GUCY1A2: variants seen among roughly 807,000 people sequenced by gnomAD.
GUCY1A2 encodes guanylate cyclase 1 soluble subunit alpha 2.
Under a neutral mutation model 63.5 loss-of-function variants are expected in GUCY1A2, and 27 were observed. The observed-to-expected ratio is 0.43, with a 90% CI of 0.31 to 0.59. The LOEUF (loss-of-function observed/expected upper bound fraction) is 0.59, where lower values mean the gene tolerates loss of function less well. Among genes scored for constraint, GUCY1A2 ranks in the 20% least tolerant of loss-of-function variants. The pLI is 0.11. For missense variants in GUCY1A2, 768 were observed against 913.3 expected (o/e 0.84, Z 2.05); for synonymous variants, 364 against 343.5 (o/e 1.06, Z -0.66).
intron 4 of GUCY1A2, among the ~76,000 whole-genome samples, chr11:106,840,108 T>C (rs1300872506): frequency 6.6e-6 from 1 of 152,086 alleles, no homozygotes; most frequent in African/African-American, 2.4e-5. Context: ...TAAGAAGTCA[T>C]TCTTTCAGTT....
intron 4 of GUCY1A2, among the ~76,000 whole-genome samples, chr11:106,841,590 T>A (rs1859199009): frequency 6.6e-6 from 1 of 151,966 alleles, no homozygotes; most frequent in Non-Finnish European, 1.5e-5. Flanking sequence ...CATAGTTCTC[T>A]GAGGGAGGGA....
intron 5 of GUCY1A2, among the ~76,000 whole-genome samples, chr11:106,776,841 A>G (rs1864365689): frequency 6.6e-6 from 1 of 152,158 alleles, no homozygotes; most frequent in Non-Finnish European, 1.5e-5. Context: ...ATATAAAATA[A>G]TTATCCCCCA....
chr11:106,951,361 G>C (rs1033828546), intron 3 of GUCY1A2, among the ~76,000 whole-genome samples: 1 of 152,202 alleles, frequency 6.6e-6, no homozygotes, highest in African/African-American at 2.4e-5. Flanking sequence ...CCCACCAACA[G>C]TACAAAAGCA....
rs1555060977 is a variant in GUCY1A2, at chr11:107,007,871, T to TGGGC, written c.303+9881_303+9882insGCCC. ...TAATGAACAACACAGCATGATAGAT[T>TGGGC]TACTGTCCCTCTAGCTTACAGATAC... On this transcript the variant is annotated intron_variant, in intron 1 of 7. Coordinates refer to ENST00000526355, the MANE Select transcript of GUCY1A2 (RefSeq NM_000855.3). Among the ~76,000 whole-genome samples, 1,423 of 149,942 alleles carry TGGGC rather than the reference T, an allele frequency of 9.5e-3. 168 individuals are homozygous for TGGGC. The highest frequency in any genetic ancestry group is 0.079 in the East Asian group (362 of 4,556).
intron 7 of GUCY1A2, 133 bp downstream of exon 7, chr11:106,708,379 G>T: frequency 3.4e-6 from 2 of 595,440 alleles, no homozygotes; most frequent in South Asian, 2.8e-5. Context: ...TCTATCTTTT[G>T]GGTTTGGGCA....
intron 4 of GUCY1A2, among the ~76,000 whole-genome samples, chr11:106,905,984 A>C (rs1860199699): frequency 6.6e-6 from 1 of 152,200 alleles, no homozygotes. Context: ...TAAAACTACA[A>C]AAACCCTAGA....
chr11:106,805,154 T>C (rs1858664091), intron 5 of GUCY1A2, among the ~76,000 whole-genome samples: 1 of 152,212 alleles, frequency 6.6e-6, no homozygotes, highest in Non-Finnish European at 1.5e-5. Flanking sequence ...CAATGTTTAA[T>C]GCCATGGACA....
chr11:106,907,637 T>C (rs1860230757), intron 4 of GUCY1A2, among the ~76,000 whole-genome samples: 1 of 152,058 alleles, frequency 6.6e-6, no homozygotes. Flanking sequence ...TTCCCACCTA[T>C]GAGTGAGAAC....
Position 106,687,648 on chromosome 11 carries a change from C to T in GUCY1A2, c.2100G>A (p.Arg700=). The change falls in exon 8 of 8, where the codon AGG becomes AGA. Residue 700 remains arginine, a synonymous_variant. Coordinates refer to ENST00000526355, the MANE Select transcript of GUCY1A2 (RefSeq NM_000855.3). ...AAGGCTTTGGTGGCTTTGGACCAGT[C>T]CTTACCTCCAGGAAATAGCAGATCC... ...IPGICYFLEV[R]TGPKPPKPSL... is the part of the protein sequence containing the mutation. The T allele has an allele frequency of 1.2e-6, 2 of 1,613,794 alleles. No individual in the cohort carries two copies. The highest frequency in any genetic ancestry group is 1.6e-4 in the Middle Eastern group (1 of 6,062).
At position 106,760,306 on chromosome 11, in the gene GUCY1A2, G is replaced by A. The variant is rs558825900; in HGVS notation, c.1836+16133C>T. Reference sequence around the variant, plus strand: ...GAGTGAGAATGGTAGAATAGAAAGTGGCAGAAGAACAAGTAATGTGACTAT... The same window carrying A: ...GAGTGAGAATGGTAGAATAGAAAGTAGCAGAAGAACAAGTAATGTGACTAT... On this transcript the variant is annotated intron_variant, in intron 6 of 7. Transcript: ENST00000526355. Among the ~76,000 whole-genome samples, 19 of 152,206 alleles carry A rather than the reference G, an allele frequency of 1.2e-4. No individual in the cohort carries two copies. In the South Asian group the frequency reaches 3.7e-3, roughly 30 times the overall value.
intron 1 of GUCY1A2, among the ~76,000 whole-genome samples, chr11:106,994,337 A>G (rs1003644339): frequency 6.6e-6 from 1 of 152,220 alleles, no homozygotes; most frequent in Non-Finnish European, 1.5e-5. Flanking sequence ...TGCCTTTCCA[A>G]AAATAGCCAT....
intron 3 of GUCY1A2, among the ~76,000 whole-genome samples, chr11:106,960,921 G>A (rs1861050149): frequency 6.6e-6 from 1 of 152,002 alleles, no homozygotes; most frequent in Non-Finnish European, 1.5e-5. Flanking sequence ...GGAAAGGAGT[G>A]CCAGAGATTA....
intron 1 of GUCY1A2, among the ~76,000 whole-genome samples, chr11:106,989,146 A>G (rs1218277277): frequency 6.6e-6 from 1 of 152,210 alleles, no homozygotes; most frequent in South Asian, 2.1e-4. Flanking sequence ...CTCCTACTTA[A>G]GAGAACCATC....
chr11:106,780,538 C>T (rs938047228), intron 5 of GUCY1A2, among the ~76,000 whole-genome samples: 4 of 152,094 alleles, frequency 2.6e-5, no homozygotes, highest in African/African-American at 9.7e-5. Context: ...GGGAACTAGT[C>T]GCCACAGCAA....
chr11:106,840,248 A>G (rs1335524406), intron 4 of GUCY1A2, among the ~76,000 whole-genome samples: 2 of 151,958 alleles, frequency 1.3e-5, no homozygotes, highest in Non-Finnish European at 2.9e-5. Flanking sequence ...GTTAATATCC[A>G]TCAGGGCTAC....
intron 6 of GUCY1A2, among the ~76,000 whole-genome samples, chr11:106,732,471 A>C (rs1863522044): frequency 6.6e-6 from 1 of 152,170 alleles, no homozygotes; most frequent in Non-Finnish European, 1.5e-5. Context: ...GAATTTGTTC[A>C]CTAAGACAAA....
rs1859582725 is a variant in GUCY1A2 at position 106,865,688 on chromosome 11, A to G, written c.1207-55210T>C. ...TAGGGGAGGGATACCATTAGGAGAA[A>G]CACCTAATGTAGATGACAGGTTGTT... On this transcript the variant is annotated intron_variant, in intron 4 of 7. Transcript: ENST00000526355. Among the ~76,000 whole-genome samples, 4 of 151,960 alleles carry G rather than the reference A, an allele frequency of 2.6e-5. No individual in the cohort carries two copies. The South Asian group carries it at 6.2e-4, about 24-fold the overall frequency.
chr11:106,873,511 G>A (rs1004691305), intron 4 of GUCY1A2, among the ~76,000 whole-genome samples: 7 of 152,110 alleles, frequency 4.6e-5, no homozygotes, highest in East Asian at 3.9e-4. Context: ...TGCATTTCTC[G>A]GACGATCAGT....
chr11:106,735,943 C>G (rs994928777), intron 6 of GUCY1A2, among the ~76,000 whole-genome samples: 3 of 152,032 alleles, frequency 2.0e-5, no homozygotes, highest in Non-Finnish European at 4.4e-5. Flanking sequence ...TGAGTAGTGT[C>G]TATTCAGATC....
Sources: gnomAD v4.1 joint callset for allele counts (sites outside exome capture counted in the v4.1 genomes callset) on GRCh38, gnomAD v4.1.1 for gene constraint, MANE v1.5 for transcripts, NCBI Gene and HGNC (gene_info 2026-07-23, HGNC 2026-07-21) for gene names.